Variants in RSPH14 observed in about 807,000 individuals in gnomAD.
RSPH14 encodes rhabdoid tumor deletion region gene 1.
RSPH14 carries 20 observed loss-of-function variants against 26.7 expected under a neutral mutation model. The ratio of observed to expected loss-of-function variants is 0.75; its 90% CI spans 0.53 to 1.09. The LOEUF (loss-of-function observed/expected upper bound fraction) is 1.09. Among genes scored for constraint, RSPH14 ranks in the 50% least tolerant of loss-of-function variants. The pLI is 0.00. For synonymous variants in RSPH14, 177 were observed against 189.3 expected (o/e 0.93, Z 0.53); for missense variants, 449 against 457.2 (o/e 0.98, Z 0.16).
In RSPH14 at chr22:23,059,559, C is replaced by T. The variant is rs763246584; in HGVS notation, c.950G>A (p.Arg317His). The change falls in exon 7 of 7, where the codon CGT (arginine) becomes CAT (histidine). Residue 317 changes from arginine to histidine, a missense_variant. Coordinates refer to ENST00000216036, the MANE Select transcript of RSPH14 (RefSeq NM_014433.3). Reference sequence around the variant, plus strand: ...TTCGTAAGTCTCCACCTCCATGGCACGGAAAGTGGGCACGTGCGTCTGCAG... The same window carrying T: ...TTCGTAAGTCTCCACCTCCATGGCATGGAAAGTGGGCACGTGCGTCTGCAG... ...KALQTHVPTF[R>H]AMEVETYEKP... 26 of 1,614,082 alleles carry T rather than the reference C, an allele frequency of 1.6e-5. No individual in the cohort carries two copies. Among genetic ancestry groups the T allele is most frequent in the Middle Eastern group, 1.6e-4 (1 of 6,082 alleles).
intron 4 of RSPH14, among the ~76,000 whole-genome samples, chr22:23,117,529 A>G (rs943905905): frequency 6.6e-6 from 1 of 152,224 alleles, no homozygotes; most frequent in Non-Finnish European, 1.5e-5. Flanking sequence ...ATGCTGGGAC[A>G]GAGGGAAGCA....
chr22:23,152,866 C>G, the RSPH14 span, among the ~76,000 whole-genome samples: 2 of 152,236 alleles, frequency 1.3e-5, no homozygotes, highest in Non-Finnish European at 2.9e-5. Flanking sequence ...CCTCCCTTTC[C>G]CCACATTGTC....
chr22:23,079,469 G>T (rs1400794878), intron 4 of RSPH14, among the ~76,000 whole-genome samples: 1 of 152,216 alleles, frequency 6.6e-6, no homozygotes, highest in Non-Finnish European at 1.5e-5. Flanking sequence ...GGGGGAGGGG[G>T]AGCATGGGCG....
At chr22:23,146,213 T>C (rs2070760784), upstream of RSPH14, among the ~76,000 whole-genome samples, 1 of 152,156 alleles carries the variant, frequency 6.6e-6, no homozygotes, top group South Asian at 2.1e-4. Context: ...GATCTGGTTT[T>C]ATTTATAATT....
the RSPH14 span, among the ~76,000 whole-genome samples, chr22:23,175,244 C>T: frequency 2.0e-5 from 3 of 152,080 alleles, no homozygotes; most frequent in Admixed American, 6.5e-5. Flanking sequence ...ATGATCTGCC[C>T]GCCTCGGCCT....
rs185361092 is a variant in RSPH14 at position 23,068,688 on chromosome 22, G to A, written c.422-4555C>T. On this transcript the variant is annotated intron_variant, in intron 4 of 6. Coordinates refer to ENST00000216036, the MANE Select transcript of RSPH14 (RefSeq NM_014433.3). The stretch of plus-strand genomic sequence containing the variant: ...TCAACTCTGACCCCCAGACTCTGCA[G>A]TGGAAACAGCCTCTGGCTATCCCAA... Among the ~76,000 whole-genome samples the A allele has an allele frequency of 4.5e-4, 69 of 152,362 alleles. No individual in the cohort carries two copies. The East Asian group carries it at 0.013, about 28-fold the overall frequency.
rs569502575 is a variant in RSPH14, at chr22:23,121,457, G to A, written c.421+12569C>T. On this transcript the variant is annotated intron_variant, in intron 4 of 6. Coordinates refer to ENST00000216036, the MANE Select transcript of RSPH14 (RefSeq NM_014433.3). ...AGGCAGCCTCCTTTGGGCCCACCCTGTAGGAGCAGCAAGCCAGAGCACCTG... is the reference window on the plus strand; with the variant it reads ...AGGCAGCCTCCTTTGGGCCCACCCTATAGGAGCAGCAAGCCAGAGCACCTG... Among the ~76,000 whole-genome samples the A allele has an allele frequency of 8.5e-5, 13 of 152,326 alleles. No homozygotes were observed. The South Asian group carries it at 2.7e-3, about 32-fold the overall frequency.
At position 23,066,581 on chromosome 22, in the gene RSPH14, C is replaced by T. The variant is rs576968563; in HGVS notation, c.422-2448G>A. ...AAAATAAAACGCGTGCCGGGTGTGC[C>T]TTTCTGCTCGTTCACTTTGCTTCTT... On this transcript the variant is annotated intron_variant, in intron 4 of 6. Transcript: ENST00000216036. 1.2e-4 allele frequency among the ~76,000 whole-genome samples: 18 copies of T among 152,302 alleles called. No homozygotes were observed. The South Asian group carries it at 3.7e-3, about 32-fold the overall frequency.
the RSPH14 span, among the ~76,000 whole-genome samples, chr22:23,173,132 C>A: frequency 6.6e-6 from 1 of 151,806 alleles, no homozygotes; most frequent in Non-Finnish European, 1.5e-5. Flanking sequence ...TTCTTTCTTT[C>A]TTTTTTTCTT....
chr22:23,115,516 G>A (rs1481357909), intron 4 of RSPH14, among the ~76,000 whole-genome samples: 1 of 152,178 alleles, frequency 6.6e-6, no homozygotes, highest in Admixed American at 6.5e-5. Context: ...CCTCCTGGAG[G>A]GGGTCTCGGG....
chr22:23,174,332 C>A, the RSPH14 span, among the ~76,000 whole-genome samples: 1 of 150,784 alleles, frequency 6.6e-6, no homozygotes, highest in Non-Finnish European at 1.5e-5. Context: ...TAAGCCCAGG[C>A]GTCTAAGGCT....
the RSPH14 span, among the ~76,000 whole-genome samples, chr22:23,165,409 C>T: frequency 1.3e-5 from 2 of 152,202 alleles, no homozygotes; most frequent in Non-Finnish European, 2.9e-5. Flanking sequence ...CACAGGGCAT[C>T]AGCCAGTGAA....
chr22:23,094,237 T>C (rs2266995), intron 4 of RSPH14, among the ~76,000 whole-genome samples: 60,075 of 151,918 alleles, frequency 0.4, 14,293 homozygotes, highest in African/African-American at 0.68. Context: ...GGGGTGCGTG[T>C]GAGTTGGGTG....
the RSPH14 span, among the ~76,000 whole-genome samples, chr22:23,175,977 CT>C: frequency 6.6e-6 from 1 of 152,258 alleles, no homozygotes; most frequent in Non-Finnish European, 1.5e-5. Context: ...TACTTCCCCC[CT>C]AGTCCAGTAA....
chr22:23,169,137 G>A, the RSPH14 span, among the ~76,000 whole-genome samples: 1 of 152,232 alleles, frequency 6.6e-6, no homozygotes, highest in Non-Finnish European at 1.5e-5. Context: ...CCCAGGTCTG[G>A]AAGGGAAGGT....
intron 1 of RSPH14, among the ~76,000 whole-genome samples, chr22:23,140,748 T>C (rs1176485064): frequency 2.0e-5 from 3 of 152,192 alleles, no homozygotes; most frequent in Non-Finnish European, 1.5e-5. Context: ...TCAAAGGCAT[T>C]AAAGGACAAA....
the RSPH14 span, chr22:23,156,363 C>T: frequency 8.1e-6 from 2 of 246,320 alleles, no homozygotes; most frequent in African/African-American, 2.3e-5. Context: ...AGGGGGAGGT[C>T]GGAGGAGGCT....
At chr22:23,117,110 C>T (rs543370015) in intron 4 of RSPH14, among the ~76,000 whole-genome samples, 1 of 152,280 alleles carries the variant, frequency 6.6e-6, no homozygotes, top group Admixed American at 6.5e-5. Context: ...CAAAGGCAGC[C>T]CTCCCATGAC....
chr22:23,070,303 T>A (rs1338447576), intron 4 of RSPH14: 1 of 144,344 alleles, frequency 6.9e-6, no homozygotes, highest in Non-Finnish European at 1.5e-5. Flanking sequence ...CGCTCGCGGC[T>A]CCGCCCCCTG....
Sources: allele counts gnomAD v4.1 joint callset (sites outside exome capture counted in the v4.1 genomes callset), GRCh38; gene constraint gnomAD v4.1.1; transcripts MANE v1.5; gene names NCBI Gene and HGNC (gene_info 2026-07-23, HGNC 2026-07-21).